The following ADGRF5 variants were observed in gnomAD, a reference collection of about 807,000 sequenced individuals.
The protein encoded by ADGRF5 is adhesion G protein-coupled receptor F5.
A neutral mutation model predicts 132.3 loss-of-function variants in ADGRF5; 75 were observed. That is an observed-to-expected ratio of 0.57 (90% CI 0.47 to 0.69). The LOEUF (loss-of-function observed/expected upper bound fraction) is 0.69. Ranked by LOEUF, ADGRF5 falls within the 30% of genes least tolerant of loss-of-function variation. ADGRF5 has a pLI of 0.00. For synonymous variants in ADGRF5, 629 were observed against 597.6 expected, an observed-to-expected ratio of 1.05 and a Z score of -0.77; for missense variants, 1,516 against 1,630.6, an observed-to-expected ratio of 0.93 and a Z score of 1.21.
intron 3 of ADGRF5, 103 bp downstream of exon 3, chr6:46,899,926 T>G (rs1478710099): frequency 1.2e-6 from 1 of 815,956 alleles, no homozygotes; most frequent in South Asian, 1.4e-5. Flanking sequence ...GACCCTGATG[T>G]GATTGGAGGC....
chr6:46,878,028 C>A (rs559595984), intron 10 of ADGRF5, among the ~76,000 whole-genome samples, 174 bp downstream of exon 10: 5 of 152,134 alleles, frequency 3.3e-5, no homozygotes, highest in Admixed American at 6.5e-5. Context: ...TTTTTGGGGT[C>A]TTGTTCTAGA....
At chr6:46,905,701 G>A (rs1775281468) in intron 2 of ADGRF5, among the ~76,000 whole-genome samples, 2 of 151,930 alleles carry the variant, frequency 1.3e-5, no homozygotes, top group Admixed American at 1.3e-4. Flanking sequence ...ACAAAGAAGG[G>A]CATTTTATAA....
chr6:46,866,730 C>T lies in ADGRF5; in HGVS notation c.1834+195G>A, dbSNP rs190789507. Among the ~76,000 whole-genome samples, 1,082 of 152,060 alleles carry T rather than the reference C, an allele frequency of 7.1e-3. 12 individuals carry two copies. Among genetic ancestry groups the T allele is most frequent in the African/African-American group, 0.023 (960 of 41,452 alleles). On this transcript the variant is annotated intron_variant, in intron 13 of 20. Coordinates refer to ENST00000283296, the MANE Select transcript of ADGRF5 (RefSeq NM_001098518.2). ...AAAAGGCTCCACCATTGCAAACTCC[C>T]AAGATTGTACCATAAACCAATGAAC... is the stretch of plus-strand genomic sequence containing the variant.
intron 1 of ADGRF5, among the ~76,000 whole-genome samples, chr6:46,920,015 G>T (rs1044953307): frequency 3.9e-5 from 6 of 152,144 alleles, no homozygotes; most frequent in Non-Finnish European, 8.8e-5. Context: ...AAAATGAACC[G>T]ATCTGTTAAA....
At chr6:46,884,004 A>G (rs1772782877) in intron 5 of ADGRF5, 91 bp downstream of exon 5, 1 of 1,041,716 alleles carries the variant, frequency 9.6e-7, no homozygotes, top group African/African-American at 1.6e-5. Context: ...GGACTATCAA[A>G]GTGCTGGGAT....
intron 8 of ADGRF5, among the ~76,000 whole-genome samples, chr6:46,880,894 C>T (rs180955708): frequency 5.5e-4 from 83 of 151,992 alleles, no homozygotes; most frequent in Middle Eastern, 3.4e-3. Context: ...AGTATGAGAC[C>T]AGCCTGGGCA....
chr6:46,898,635 T>G (rs1048162163), intron 3 of ADGRF5, among the ~76,000 whole-genome samples: 1 of 152,174 alleles, frequency 6.6e-6, no homozygotes, highest in Non-Finnish European at 1.5e-5. Flanking sequence ...TAATAGAATG[T>G]GGTCAAATTC....
intron 1 of ADGRF5, among the ~76,000 whole-genome samples, chr6:46,914,797 C>T (rs141302130): frequency 6.6e-6 from 1 of 151,990 alleles, no homozygotes; most frequent in African/African-American, 2.4e-5. Flanking sequence ...ATTCCAATTG[C>T]AGACGGAGGG....
intron 1 of ADGRF5, among the ~76,000 whole-genome samples, chr6:46,937,564 C>T (rs1777895608): frequency 6.6e-6 from 1 of 152,144 alleles, no homozygotes; most frequent in East Asian, 1.9e-4. Flanking sequence ...TGCCTGAAAT[C>T]ATCAATAGTA....
intron 1 of ADGRF5, among the ~76,000 whole-genome samples, chr6:46,932,246 T>G (rs554966181): frequency 6.6e-6 from 1 of 152,278 alleles, no homozygotes; most frequent in South Asian, 2.1e-4. Flanking sequence ...ACCATTAGTT[T>G]TAAAAAATAT....
At chr6:46,881,898 T>A (rs142055417) in intron 7 of ADGRF5, 151 bp downstream of exon 7, 1 of 718,056 alleles carries the variant, frequency 1.4e-6, no homozygotes. Flanking sequence ...AACAGGTACA[T>A]CTGTAAGGGG....
chr6:46,871,438 AGCCAG>A (rs1771047696), intron 11 of ADGRF5, among the ~76,000 whole-genome samples: 1 of 152,112 alleles, frequency 6.6e-6, no homozygotes, highest in Non-Finnish European at 1.5e-5. Context: ...TAGGGGAGTG[AGCCAG>A]GCTGTTGGAA....
intron 1 of ADGRF5, among the ~76,000 whole-genome samples, chr6:46,921,506 C>T (rs1467703275): frequency 6.6e-6 from 1 of 152,142 alleles, no homozygotes; most frequent in Non-Finnish European, 1.5e-5. Flanking sequence ...TTAATATAGT[C>T]TCATTAACTG....
intron 1 of ADGRF5, among the ~76,000 whole-genome samples, chr6:46,929,679 T>C (rs2150934126): frequency 6.6e-6 from 1 of 152,172 alleles, no homozygotes; most frequent in Admixed American, 6.5e-5. Context: ...ATGAAACTTG[T>C]GTTAAACTTG....
chr6:46,877,289 T>TTCTTTCTC (rs1395354122), intron 10 of ADGRF5, among the ~76,000 whole-genome samples: 26 of 68,116 alleles, frequency 3.8e-4, no homozygotes, highest in South Asian at 1.8e-3. Context: ...CTTTCTTTCT[T>TTCTTTCTC]TCTCTCTCTC....
intron 3 of ADGRF5, among the ~76,000 whole-genome samples, chr6:46,891,108 C>G (rs1195490939): frequency 6.6e-6 from 1 of 152,120 alleles, no homozygotes. Flanking sequence ...GCATATTTTC[C>G]TAAAATTAAG....
At position 46,858,212 on chromosome 6, in the gene ADGRF5, T is replaced by A; in HGVS notation, c.3691A>T (p.Thr1231Ser). Reference sequence around the variant, plus strand: ...ACAGTGGTGAGACCAAAACCCCAAGTGAGGCCCAAGAGTGGTGTGAGGACC... The same window carrying A: ...ACAGTGGTGAGACCAAAACCCCAAGAGAGGCCCAAGAGTGGTGTGAGGACC... ...IGVLTPLLGLTWGFGLTTVFP... is the reference protein window; with the variant it reads ...IGVLTPLLGLSWGFGLTTVFP... The change falls in exon 17 of 21, where the codon ACT becomes TCT. Residue 1231 changes from threonine to serine, a missense_variant. This residue lies in a region of ADGRF5 where 571 missense variants were observed against 701.2 expected (regional missense o/e 0.81). Coordinates refer to ENST00000283296, the MANE Select transcript of ADGRF5 (RefSeq NM_001098518.2). 6.2e-7 allele frequency: 1 copy of A among 1,614,114 alleles called. No individual in the cohort carries two copies. Among genetic ancestry groups the A allele is most frequent in the Non-Finnish European group, 8.5e-7 (1 of 1,180,010 alleles).
intron 10 of ADGRF5, among the ~76,000 whole-genome samples, chr6:46,877,285 TTCTTTC>T (rs1273221772): frequency 0.012 from 710 of 60,812 alleles, 10 homozygotes; most frequent in African/African-American, 0.04. Flanking sequence ...CTTTCTTTCT[TTCTTTC>T]TCTCTCTCTC....
rs115318613 is a variant in ADGRF5 at position 46,910,278 on chromosome 6, G to T, written c.-24-3492C>A. 3.0e-3 allele frequency among the ~76,000 whole-genome samples: 464 copies of T among 152,246 alleles called. 3 individuals are homozygous for T. The highest frequency in any genetic ancestry group is 0.011 in the African/African-American group (444 of 41,552). ...GGATTGTGGGTAATAATTGCTGGTG[G>T]TTATTAATTGGCTATTAATTATAAT... On this transcript the variant is annotated intron_variant, in intron 1 of 20. Coordinates refer to ENST00000283296, the MANE Select transcript of ADGRF5 (RefSeq NM_001098518.2).
Sources: gnomAD v4.1 joint callset for allele counts (sites outside exome capture counted in the v4.1 genomes callset) on GRCh38, gnomAD v4.1.1 for gene constraint, gnomAD v4.1.1 regional missense constraint, MANE v1.5 for transcripts, NCBI Gene and HGNC (gene_info 2026-07-23, HGNC 2026-07-21) for gene names.